The following SLC5A10 variants were observed in gnomAD, a reference collection of about 807,000 sequenced individuals.
The protein encoded by SLC5A10 is sodium/mannose cotransporter SLC5A10.
Under a neutral mutation model 68.9 loss-of-function variants are expected in SLC5A10, and 55 were observed. That is an observed-to-expected ratio of 0.80 (90% CI 0.64 to 1.00). The LOEUF (loss-of-function observed/expected upper bound fraction) is 1.00. Ranked by LOEUF, SLC5A10 falls within the 50% of genes least tolerant of loss-of-function variation. The probability of loss-of-function intolerance (pLI) is 0.00; values close to 1 mark genes in which losing one functional copy is unlikely to be tolerated. For missense variants in SLC5A10, 732 were observed against 819.3 expected (o/e 0.89, Z 1.30); for synonymous variants, 344 against 344.8 (o/e 1.00, Z 0.02).
At position 18,976,655 on chromosome 17, in the gene SLC5A10, G is replaced by A. The variant is rs1214342880; in HGVS notation, c.847-199G>A. On this transcript the variant is annotated intron_variant, in intron 8 of 14. Transcript: ENST00000395645. ...TGGGAATGAGTGTACCTCGGCTCTC[G>A]CTGCTTGGCCTGCTGAAGTGAGCTC... 9 of 638,108 alleles carry A rather than the reference G, an allele frequency of 1.4e-5. 1 individual carries two copies. Among genetic ancestry groups the A allele is most frequent in the South Asian group, 4.4e-5 (2 of 45,104 alleles). 39.5% of individuals were successfully genotyped at this position (638,108 alleles called of 1,614,324 possible). A position where few individuals can be genotyped will look rare whatever the true frequency, so the allele number is the denominator to read the frequency against.
At chr17:18,972,373 C>G (rs1409823368) in intron 8 of SLC5A10, among the ~76,000 whole-genome samples, 3 of 152,210 alleles carry the variant, frequency 2.0e-5, no homozygotes, top group Non-Finnish European at 4.4e-5. Flanking sequence ...TCACACAAGC[C>G]TTTCCCACGT....
At chr17:18,965,682 C>T (rs2042695068) in intron 5 of SLC5A10, among the ~76,000 whole-genome samples, 1 of 152,240 alleles carries the variant, frequency 6.6e-6, no homozygotes, top group Admixed American at 6.5e-5. Flanking sequence ...CTCTCTCAGC[C>T]TTGCTCCCTC....
chr17:18,972,591 G>A (rs756954266), intron 8 of SLC5A10, among the ~76,000 whole-genome samples: 40 of 152,170 alleles, frequency 2.6e-4, no homozygotes, highest in Non-Finnish European at 4.9e-4. Context: ...GGCCGGGGGC[G>A]GTGGCTCAAG....
intron 9 of SLC5A10, among the ~76,000 whole-genome samples, chr17:18,981,578 C>A (rs1306913501): frequency 6.6e-6 from 1 of 152,182 alleles, no homozygotes; most frequent in African/African-American, 2.4e-5. Context: ...CAGCCTCCTG[C>A]CCTGCCAGTC....
chr17:18,976,475 C>A (rs924160220), intron 8 of SLC5A10: 2 of 184,086 alleles, frequency 1.1e-5, no homozygotes, highest in Non-Finnish European at 2.2e-5. Context: ...TATAAATGTG[C>A]CAGCTGCTGT....
chr17:19,001,178 C>T (rs1337602497), intron 9 of SLC5A10, among the ~76,000 whole-genome samples: 2 of 152,204 alleles, frequency 1.3e-5, no homozygotes, highest in East Asian at 3.8e-4. Flanking sequence ...TTGTTATTAT[C>T]CCTGCCCACA....
chr17:18,976,888 T>C lies in SLC5A10; in HGVS notation c.881T>C (p.Leu294Pro), dbSNP rs531697809. ...IVQRSLSARD[L>P]NHAKAGSILA... ...CAGCGATCACTGTCAGCCCGGGACC[T>C]GAACCATGCCAAGGCGGGCTCCATC... Residue 294 changes from leucine (L) to proline (P), a missense_variant, in exon 9 of 15, where the codon CTG becomes CCG. Transcript: ENST00000395645. 6.2e-7 allele frequency: 1 copy of C among 1,613,646 alleles called. No homozygotes were observed. Among genetic ancestry groups the C allele is most frequent in the South Asian group, 1.1e-5 (1 of 91,072 alleles).
At position 19,004,246 on chromosome 17, in the gene SLC5A10, G is replaced by C; in HGVS notation, c.983-9164G>C. On this transcript the variant is annotated intron_variant, in intron 9 of 14. Transcript: ENST00000395645. The surrounding 1 kb of genome is among the most constrained non-coding windows in gnomAD (Gnocchi z 5.4). ...GGGAGGGGCGGCGGGGGCGGGGCCG[G>C]GAACTCAGGTGGGCGTGGGAAGGAC... is the stretch of plus-strand genomic sequence containing the variant. 1 of 540,152 alleles carries C rather than the reference G, an allele frequency of 1.9e-6. No individual in the cohort carries two copies. Among genetic ancestry groups the C allele is most frequent in the Middle Eastern group, 4.8e-4 (1 of 2,066 alleles). 33.5% of individuals were successfully genotyped at this position (540,152 alleles called of 1,614,324 possible). A position where few individuals can be genotyped will look rare whatever the true frequency, so the allele number is the denominator to read the frequency against.
Position 18,959,142 on chromosome 17 carries a change from C to A in SLC5A10, c.191C>A (p.Ala64Asp). 6.2e-6 allele frequency: 10 copies of A among 1,610,016 alleles called. No homozygotes were observed. The highest frequency in any genetic ancestry group is 8.5e-6 in the Non-Finnish European group (10 of 1,176,802). The part of the protein sequence containing the change: ...GRDMTWWPIG[A>D]SLFASSEGSG... ...TCCCTTTCTCTCCTCCAGATTGGAGCCTCCCTCTTCGCCAGCAGCGAGGGC... is the reference window on the plus strand; with the variant it reads ...TCCCTTTCTCTCCTCCAGATTGGAGACTCCCTCTTCGCCAGCAGCGAGGGC... Residue 64 changes from alanine (A) to aspartate (D), a missense_variant, in exon 3 of 15, where the codon GCC (alanine) becomes GAC (aspartate). Physicochemically the swap from Ala to Asp is moderately radical, Grantham distance 126 (BLOSUM62 -2). Coordinates refer to ENST00000395645, the MANE Select transcript of SLC5A10 (RefSeq NM_001042450.4).
In SLC5A10 at chr17:18,968,893, C is replaced by G; in HGVS notation, c.454-159C>G. 1.6e-6 allele frequency: 1 copy of G among 635,266 alleles called. No homozygotes were observed. Among genetic ancestry groups the G allele is most frequent in the Non-Finnish European group, 2.7e-6 (1 of 370,672 alleles). 39.4% of individuals were successfully genotyped at this position (635,266 alleles called of 1,614,324 possible). A position where few individuals can be genotyped will look rare whatever the true frequency, so the allele number is the denominator to read the frequency against. ...ACGGCCAGGTCTTCCCCCAACCTCA[C>G]AATGGCCCCGTGATGCAGGCAGGCA... On this transcript the variant is annotated intron_variant, in intron 5 of 14. Transcript: ENST00000395645. This position sits in a 1 kb window ranked among gnomAD's most constrained non-coding sequence, Gnocchi z 4.1.
At chr17:18,999,033 A>G (rs1394723091) in intron 9 of SLC5A10, among the ~76,000 whole-genome samples, 1 of 152,194 alleles carries the variant, frequency 6.6e-6, no homozygotes, top group Non-Finnish European at 1.5e-5. Flanking sequence ...TAATCCCAGC[A>G]CTTTGGGAGG....
chr17:19,013,161 T>A (rs533562542), intron 9 of SLC5A10, among the ~76,000 whole-genome samples: 2 of 152,058 alleles, frequency 1.3e-5, no homozygotes, highest in African/African-American at 2.4e-5. Context: ...CAACGGCAGG[T>A]GAGCCCCCTG....
At chr17:18,992,674 G>A (rs1163358961) in intron 9 of SLC5A10, among the ~76,000 whole-genome samples, 1 of 152,242 alleles carries the variant, frequency 6.6e-6, no homozygotes. Context: ...TGGGCTTTGG[G>A]TGAGCCACAC....
intron 5 of SLC5A10, among the ~76,000 whole-genome samples, chr17:18,967,200 C>G (rs1300590637): frequency 6.6e-6 from 1 of 152,212 alleles, no homozygotes; most frequent in East Asian, 1.9e-4. Context: ...CCTCTAGCAA[C>G]AGCAGCAAAC....
At chr17:19,005,654 C>G (rs976813447) in intron 9 of SLC5A10, among the ~76,000 whole-genome samples, 1 of 151,956 alleles carries the variant, frequency 6.6e-6, no homozygotes. Flanking sequence ...CAAACCCCCC[C>G]CCTCCAAGGC....
intron 9 of SLC5A10, among the ~76,000 whole-genome samples, chr17:19,010,225 A>G (rs2043985881): frequency 6.6e-6 from 1 of 152,150 alleles, no homozygotes; most frequent in Non-Finnish European, 1.5e-5. Context: ...GCAAGGAGGT[A>G]GTGCAGTTCG....
chr17:18,985,336 C>T lies in SLC5A10; in HGVS notation c.982+8347C>T, dbSNP rs148290932. On this transcript the variant is annotated intron_variant, in intron 9 of 14. Coordinates refer to ENST00000395645, the MANE Select transcript of SLC5A10 (RefSeq NM_001042450.4). ...AGTGACTCTGCCCAAGGTTACCATGCAGGTGGCACAGCTGGGGCTCAGGAC... is the reference window on the plus strand; with the variant it reads ...AGTGACTCTGCCCAAGGTTACCATGTAGGTGGCACAGCTGGGGCTCAGGAC... Among the ~76,000 whole-genome samples, 53 of 152,340 alleles carry T rather than the reference C, an allele frequency of 3.5e-4. 1 individual carries two copies. Among genetic ancestry groups the T allele is most frequent in the African/African-American group, 1.2e-3 (51 of 41,586 alleles).
intron 7 of SLC5A10, 155 bp downstream of exon 7, chr17:18,969,577 C>A: frequency 1.6e-6 from 1 of 642,984 alleles, no homozygotes. Flanking sequence ...ACTAGGCAGT[C>A]AGCCCCCCTG....
At position 18,969,108 on chromosome 17, in the gene SLC5A10, C is replaced by T. The variant is rs1419399065; in HGVS notation, c.510C>T (p.Tyr170=). ...FVHICLGWNF[Y]LSTILTLGIT... ...ACATCTGCCTGGGCTGGAACTTCTA[C>T]CTCTCCACCATCCTCACGCTCGGCA... is the stretch of plus-strand genomic sequence containing the variant. Residue 170 remains tyrosine (Y), a synonymous_variant, in exon 6 of 15, where the codon TAC becomes TAT. Coordinates refer to ENST00000395645, the MANE Select transcript of SLC5A10 (RefSeq NM_001042450.4). 1.2e-6 allele frequency: 2 copies of T among 1,614,018 alleles called. No individual in the cohort carries two copies. The highest frequency in any genetic ancestry group is 1.3e-5 in the African/African-American group (1 of 74,934).
Sources: gnomAD v4.1 joint callset for allele counts (sites outside exome capture counted in the v4.1 genomes callset) on GRCh38, gnomAD v4.1.1 for gene constraint, Gnocchi (gnomAD v3.1) non-coding constraint, MANE v1.5 for transcripts, NCBI Gene and HGNC (gene_info 2026-07-23, HGNC 2026-07-21) for gene names.